The following DQX1 variants were observed in gnomAD, a reference collection of about 807,000 sequenced individuals.
DQX1 encodes DEAQ-box RNA dependent ATPase 1.
DQX1 carries 66 observed loss-of-function variants against 81.3 expected under a neutral mutation model. The observed-to-expected ratio is 0.81, with a 90% CI of 0.67 to 1.00. The LOEUF (loss-of-function observed/expected upper bound fraction) is 1.00. DQX1 is among the 50% of genes least tolerant of loss of function. The pLI is 0.00. For synonymous variants in DQX1, 290 were observed against 350.0 expected (o/e 0.83, Z 1.91); for missense variants, 798 against 867.9 (o/e 0.92, Z 1.01).
In DQX1 at chr2:74,519,674, C is replaced by T. The variant is rs778267619; in HGVS notation, c.1688G>A (p.Arg563Gln). 194 of 1,614,054 alleles carry T rather than the reference C, an allele frequency of 1.2e-4. 1 individual carries two copies. In the East Asian group the frequency reaches 3.3e-3, roughly 27 times the overall value. ...WAALCQAHKL[R>Q]GELLELMQRI... ...TTGCATGAGTTCTAGGAGTTCTCCC[C>T]GAAGTTTATGGGCTTGGCACAATGC... The change falls in exon 10 of 12, where the codon CGG becomes CAG. Residue 563 changes from arginine (R) to glutamine (Q), a missense_variant. Coordinates refer to ENST00000404568, the MANE Select transcript of DQX1 (RefSeq NM_133637.3).
chr2:74,524,168 G>T lies in DQX1; in HGVS notation c.571C>A (p.Leu191Met), dbSNP rs1382892136. The change falls in exon 4 of 12, where the codon CTG becomes ATG. Residue 191 changes from leucine to methionine, a missense_variant. Transcript: ENST00000404568. ...SLQGLLQDAR[L>M]EKLPGDLRVV... ...CTGAGGTCCCCCGGAAGTTTTTCCA[G>T]CCTGGCATCTTGCAGTAGCCCCTGG... 4.3e-6 allele frequency: 7 copies of T among 1,614,176 alleles called. No homozygotes were observed. The highest frequency in any genetic ancestry group is 5.9e-6 in the Non-Finnish European group (7 of 1,180,020).
chr2:74,525,501 T>TTGCCAGAACCAGGCTCCC lies in DQX1; in HGVS notation c.228_229insGGGAGCCTGGTTCTGGCA (p.Lys76_Ser77insGlySerLeuValLeuAla), dbSNP rs1344537620. ...CACAACCCCCACCACACCTGGGTGC[T>TTGCCAGAACCAGGCTCCC]CTTGCCAGAACCAGGCTCCCCAGAC... On this transcript the variant is annotated inframe_insertion, in exon 2 of 12. Coordinates refer to ENST00000404568, the MANE Select transcript of DQX1 (RefSeq NM_133637.3). This position sits in a 1 kb window ranked among gnomAD's most constrained non-coding sequence, Gnocchi z 4.1. 6 of 1,552,040 alleles carry TTGCCAGAACCAGGCTCCC rather than the reference T, an allele frequency of 3.9e-6. No individual in the cohort carries two copies. In the African/African-American group the frequency reaches 6.8e-5, roughly 18 times the overall value.
In DQX1 at chr2:74,519,657, GTTCTAGGAGTTC is replaced by G; in HGVS notation, c.1693_1704del (p.Glu565_Glu568del). On this transcript the variant is annotated inframe_deletion, in exon 10 of 12. Coordinates refer to ENST00000404568, the MANE Select transcript of DQX1 (RefSeq NM_133637.3). ...AAGGGAAGTTCAATTCGTTGCATGA[GTTCTAGGAGTTC>G]TCCCCGAAGTTTATGGGCTTGGCAC... is the stretch of plus-strand genomic sequence containing the variant. 3.1e-6 allele frequency: 5 copies of G among 1,614,212 alleles called. No homozygotes were observed. Among genetic ancestry groups the G allele is most frequent in the African/African-American group, 1.3e-5 (1 of 75,054 alleles).
intron 8 of DQX1, 41 bp from the exon 9 acceptor site, chr2:74,520,075 A>G: frequency 1.2e-6 from 2 of 1,600,546 alleles, no homozygotes; most frequent in Non-Finnish European, 1.7e-6. Context: ...GCCATTTGGG[A>G]AATGGGAAGG....
Position 74,522,998 on chromosome 2 carries a change from C to T in DQX1, c.1161G>A (p.Leu387=). The change falls in exon 7 of 12, where the codon CTG becomes CTA. Residue 387 remains leucine, a synonymous_variant. Coordinates refer to ENST00000404568, the MANE Select transcript of DQX1 (RefSeq NM_133637.3). ...RGFPPGSCLC[L]YPKSFLELEA... ...CTAGTTCTAAGAAGGACTTAGGATA[C>T]AGGCAGAGGCAGGATCCTGAGGGGA... 6.2e-7 allele frequency: 1 copy of T among 1,614,168 alleles called. No homozygotes were observed. The highest frequency in any genetic ancestry group is 8.5e-7 in the Non-Finnish European group (1 of 1,180,012).
chr2:74,523,584 TG>T, intron 4 of DQX1, 47 bp from the exon 5 acceptor site: 1 of 1,566,964 alleles, frequency 6.4e-7, no homozygotes, highest in Middle Eastern at 1.8e-4. Flanking sequence ...TCACGTTTTT[TG>T]GGGTCACAGA....
At position 74,525,509 on chromosome 2, in the gene DQX1, G is replaced by C; in HGVS notation, c.221C>G (p.Ser74Cys). ...GVVLVSGEPG[S>C]GKSTQIPQWC... ...CCACCACACCTGGGTGCTCTTGCCA[G>C]AACCAGGCTCCCCAGACACCAGCAC... is the stretch of plus-strand genomic sequence containing the variant. Residue 74 changes from serine to cysteine, a missense_variant, in exon 2 of 12, where the codon TCT becomes TGT. By Grantham distance (112) the Ser-to-Cys change is moderately radical. Coordinates refer to ENST00000404568, the MANE Select transcript of DQX1 (RefSeq NM_133637.3). This position sits in a 1 kb window ranked among gnomAD's most constrained non-coding sequence, Gnocchi z 4.1. 1 of 1,552,254 alleles carries C rather than the reference G, an allele frequency of 6.4e-7. No individual in the cohort carries two copies. The highest frequency in any genetic ancestry group is 8.7e-7 in the Non-Finnish European group (1 of 1,147,170).
In DQX1 at chr2:74,522,631, A is replaced by G. The variant is rs1675057881; in HGVS notation, c.1444T>C (p.Cys482Arg). 9 of 1,614,226 alleles carry G rather than the reference A, an allele frequency of 5.6e-6. No individual in the cohort carries two copies. The highest frequency in any genetic ancestry group is 7.6e-6 in the Non-Finnish European group (9 of 1,180,036). The change falls in exon 8 of 12, where the codon TGC becomes CGC. Residue 482 changes from cysteine (C) to arginine (R), a missense_variant. By Grantham distance (180) the Cys-to-Arg change is radical. Transcript: ENST00000404568. ...PELAKALLAS[C>R]EFDCVDEMLT... The stretch of plus-strand genomic sequence containing the variant: ...ATCTCGTCCACACAGTCAAACTCGC[A>G]TGAGGCCAGCAGGGCTTTGGCCAGC...
chr2:74,525,480 AC>A lies in DQX1; in HGVS notation c.237+12del. The A allele has an allele frequency of 1.3e-6, 2 of 1,550,022 alleles. No homozygotes were observed. Among genetic ancestry groups the A allele is most frequent in the Non-Finnish European group, 1.7e-6 (2 of 1,146,450 alleles). ...CTCCCAGAATCTGCCTGCCCCCACA[AC>A]CCCCACCACACCTGGGTGCTCTTGC... is the stretch of plus-strand genomic sequence containing the variant. On this transcript the variant is annotated intron_variant, in intron 2 of 11. Coordinates refer to ENST00000404568, the MANE Select transcript of DQX1 (RefSeq NM_133637.3). This position sits in a 1 kb window ranked among gnomAD's most constrained non-coding sequence, Gnocchi z 4.1.
In DQX1 at chr2:74,526,165, G is replaced by T. The variant is rs1259324160; in HGVS notation, c.-49C>A. The T allele has an allele frequency of 5.6e-6, 1 of 177,200 alleles. No individual in the cohort carries two copies. Among genetic ancestry groups the T allele is most frequent in the Non-Finnish European group, 1.2e-5 (1 of 83,782 alleles). 11.0% of individuals were successfully genotyped at this position (177,200 alleles called of 1,614,324 possible). The stretch of plus-strand genomic sequence containing the variant: ...TTGCAGCTCTAGGACGTGTCAGGAC[G>T]GCAGTCAGCTCCAGACCCACGTAGT... On this transcript the variant is annotated 5_prime_UTR_variant, in exon 1 of 12. Transcript: ENST00000404568.
Position 74,518,490 on chromosome 2 carries a change from A to G in DQX1, c.2110T>C (p.Ser704Pro), listed in dbSNP as rs767329221. ...TCTCTGAACTCCTGGGCTGAGGATG[A>G]TTTGCTCCCTGCTGTAGAATCTGCC... ...GMADSTAGSK[S>P]SSAQEFRDPC... Residue 704 changes from serine (S) to proline (P), a missense_variant, in exon 12 of 12, where the codon TCA (serine) becomes CCA (proline). Coordinates refer to ENST00000404568, the MANE Select transcript of DQX1 (RefSeq NM_133637.3). 9 of 1,614,182 alleles carry G rather than the reference A, an allele frequency of 5.6e-6. No individual in the cohort carries two copies. Among genetic ancestry groups the G allele is most frequent in the South Asian group, 5.5e-5 (5 of 91,080 alleles).
At position 74,524,154 on chromosome 2, in the gene DQX1, C is replaced by T. The variant is rs760668059; in HGVS notation, c.585G>A (p.Pro195=). 113 of 1,614,184 alleles carry T rather than the reference C, an allele frequency of 7.0e-5. No homozygotes were observed. The highest frequency in any genetic ancestry group is 1.6e-4 in the Middle Eastern group (1 of 6,062). ...TAACCACAACCACTCTGAGGTCCCC[C>T]GGAAGTTTTTCCAGCCTGGCATCTT... is the stretch of plus-strand genomic sequence containing the variant. ...LLQDARLEKL[P]GDLRVVVVTD... The change falls in exon 4 of 12, where the codon CCG becomes CCA. Residue 195 remains proline, a synonymous_variant. Transcript: ENST00000404568.
At chr2:74,523,615 A>C in intron 4 of DQX1, 78 bp from the exon 5 acceptor site, 1 of 1,367,034 alleles carries the variant, frequency 7.3e-7, no homozygotes, top group East Asian at 2.4e-5. Flanking sequence ...AAGACTGTTG[A>C]AAGTTATGGC....
At chr2:74,519,399 C>A (rs531675027) in intron 10 of DQX1, among the ~76,000 whole-genome samples, 157 bp downstream of exon 10, 1 of 152,176 alleles carries the variant, frequency 6.6e-6, no homozygotes, top group East Asian at 1.9e-4. Flanking sequence ...TTTACCATAG[C>A]CCCTTGTACC....
At position 74,525,393 on chromosome 2, in the gene DQX1, TC is replaced by T. The variant is rs1306024824; in HGVS notation, c.237+99del. The T allele has an allele frequency of 7.5e-7, 1 of 1,342,070 alleles. No homozygotes were observed. The highest frequency in any genetic ancestry group is 1.0e-6 in the Non-Finnish European group (1 of 980,450). The allele number at this position is 1,342,070 out of a possible 1,614,324, so 83.1% of individuals were successfully genotyped here. ...TTCCTCATGACCCCACGCAGCCCAG[TC>T]CCCCCTTGCCCAGGGAAAGGCCACT... is the stretch of plus-strand genomic sequence containing the variant. On this transcript the variant is annotated intron_variant, in intron 2 of 11. Coordinates refer to ENST00000404568, the MANE Select transcript of DQX1 (RefSeq NM_133637.3). This position sits in a 1 kb window ranked among gnomAD's most constrained non-coding sequence, Gnocchi z 4.1.
intron 10 of DQX1, 30 bp from the exon 11 acceptor site, chr2:74,519,260 T>G: frequency 6.5e-7 from 1 of 1,529,364 alleles, no homozygotes; most frequent in Non-Finnish European, 8.8e-7. Flanking sequence ...ATTGACGGAA[T>G]AAATAAAAGG....
chr2:74,525,029 C>T lies in DQX1; in HGVS notation c.411G>A (p.Thr137=), dbSNP rs755492003. The T allele has an allele frequency of 9.3e-6, 15 of 1,613,964 alleles. No homozygotes were observed. The highest frequency in any genetic ancestry group is 1.7e-4 in the Middle Eastern group (1 of 6,042). Residue 137 remains threonine (T), a synonymous_variant, in exon 3 of 12, where the codon ACG becomes ACA. Transcript: ENST00000404568. The surrounding 1 kb of genome is among the most constrained non-coding windows in gnomAD (Gnocchi z 4.1). The part of the protein sequence containing the change: ...VGYSIPQEDC[T]GPNTLLRFCW... ...CCCACCTGAGCAGGGTGTTGGGCCC[C>T]GTGCAGTCCTCCTGGGGGATGCTGT... is the stretch of plus-strand genomic sequence containing the variant.
chr2:74,525,677 T>C lies in DQX1; in HGVS notation c.53A>G (p.Glu18Gly). The change falls in exon 2 of 12, where the codon GAG becomes GGG. Residue 18 changes from glutamate to glycine, a missense_variant. Physicochemically the swap from Glu to Gly is moderately conservative, Grantham distance 98 (BLOSUM62 -2). Coordinates refer to ENST00000404568, the MANE Select transcript of DQX1 (RefSeq NM_133637.3). The surrounding 1 kb of genome is among the most constrained non-coding windows in gnomAD (Gnocchi z 4.1). The part of the protein sequence containing the change: ...LAEEYGPSPG[E>G]SELAVNPFDG... ...AAAGGGGTTCACAGCCAGTTCAGAC[T>C]CCCCAGGACTTGGGCCATACTCTTC... 6.4e-7 allele frequency: 1 copy of C among 1,551,716 alleles called. No individual in the cohort carries two copies. The highest frequency in any genetic ancestry group is 2.4e-5 in the East Asian group (1 of 40,926).
At position 74,520,075 on chromosome 2, in the gene DQX1, A is replaced by AG. The variant is rs1449532328; in HGVS notation, c.1496-42_1496-41insC. ...TGGAAGGTAGAATCTGCCATTTGGG[A>AG]AATGGGAAGGGATAGTAGTACAGGT... On this transcript the variant is annotated intron_variant, in intron 8 of 11. Transcript: ENST00000404568. 1.9e-6 allele frequency: 3 copies of AG among 1,600,428 alleles called. No homozygotes were observed. The African/African-American group carries it at 4.0e-5, about 21-fold the overall frequency.
Sources: gnomAD v4.1 joint callset for allele counts (sites outside exome capture counted in the v4.1 genomes callset) on GRCh38, gnomAD v4.1.1 for gene constraint, Gnocchi (gnomAD v3.1) non-coding constraint, MANE v1.5 for transcripts, NCBI Gene and HGNC (gene_info 2026-07-23, HGNC 2026-07-21) for gene names.